Variants in STXBP5L observed in about 807,000 individuals in gnomAD.
STXBP5L encodes the protein syntaxin binding protein 5L.
A neutral mutation model predicts 144.5 loss-of-function variants in STXBP5L; 65 were observed. The ratio of observed to expected loss-of-function variants is 0.45; its 90% CI spans 0.37 to 0.55. STXBP5L has a LOEUF of 0.55. STXBP5L is among the 20% of genes least tolerant of loss of function. The pLI, the probability that STXBP5L is intolerant of heterozygous loss-of-function variation, is 0.00. For missense variants in STXBP5L, 1,298 were observed against 1,405.5 expected (o/e 0.92, Z 1.22); for synonymous variants, 505 against 469.6 (o/e 1.08, Z -0.97).
chr3:120,963,397 A>G (rs1445499541), intron 3 of STXBP5L, among the ~76,000 whole-genome samples: 2 of 152,072 alleles, frequency 1.3e-5, no homozygotes, highest in African/African-American at 4.8e-5. Flanking sequence ...ATTCAGTATG[A>G]TATTGGCAGT....
At chr3:121,064,141 G>A (rs1234092108) in intron 5 of STXBP5L, among the ~76,000 whole-genome samples, 2 of 152,166 alleles carry the variant, frequency 1.3e-5, no homozygotes, top group Middle Eastern at 3.4e-3. Context: ...GGAATCTCCT[G>A]GTCTGCAGGT....
chr3:121,305,205 G>A (rs746907919), intron 19 of STXBP5L, among the ~76,000 whole-genome samples: 3 of 152,090 alleles, frequency 2.0e-5, no homozygotes, highest in Non-Finnish European at 4.4e-5. Flanking sequence ...ACAAGCCACA[G>A]GTGGCTGCAC....
chr3:120,912,785 T>A (rs1017067411), intron 2 of STXBP5L, among the ~76,000 whole-genome samples: 1 of 151,994 alleles, frequency 6.6e-6, no homozygotes, highest in Non-Finnish European at 1.5e-5. Flanking sequence ...ATAAAATAAA[T>A]TTCAAATTGC....
At chr3:121,310,331 C>T (rs1466549652) in intron 19 of STXBP5L, among the ~76,000 whole-genome samples, 1 of 151,288 alleles carries the variant, frequency 6.6e-6, no homozygotes, top group Non-Finnish European at 1.5e-5. Context: ...CAGGCATGGG[C>T]TGGGCACAGT....
At chr3:121,069,668 G>A (rs988791533) in intron 5 of STXBP5L, among the ~76,000 whole-genome samples, 3 of 151,744 alleles carry the variant, frequency 2.0e-5, no homozygotes, top group Admixed American at 1.3e-4. Context: ...TCTAGGTCAC[G>A]TCTCGGTGCC....
chr3:120,979,705 C>A (rs1304680375), intron 3 of STXBP5L, among the ~76,000 whole-genome samples: 1 of 152,078 alleles, frequency 6.6e-6, no homozygotes, highest in Admixed American at 6.6e-5. Context: ...CAGCTCCGAT[C>A]CTTTGTATTT....
intron 3 of STXBP5L, among the ~76,000 whole-genome samples, chr3:121,018,591 G>A (rs1945312300): frequency 6.7e-6 from 1 of 149,200 alleles, no homozygotes; most frequent in Admixed American, 6.7e-5. Context: ...ACCCAAAATG[G>A]ATCATAGGCT....
chr3:121,325,284 A>G (rs181277448), intron 20 of STXBP5L, among the ~76,000 whole-genome samples: 1 of 152,230 alleles, frequency 6.6e-6, no homozygotes, highest in East Asian at 1.9e-4. Context: ...CAAGGAAGAT[A>G]GAGATAATAG....
intron 5 of STXBP5L, among the ~76,000 whole-genome samples, chr3:121,051,940 A>T (rs535464908): frequency 3.9e-5 from 6 of 152,250 alleles, no homozygotes; most frequent in African/African-American, 1.4e-4. Context: ...CCATCAGAGA[A>T]TATTACAAAC....
intron 3 of STXBP5L, among the ~76,000 whole-genome samples, chr3:121,020,855 A>C (rs1267261499): frequency 2.6e-5 from 4 of 151,644 alleles, no homozygotes; most frequent in South Asian, 4.1e-4. Flanking sequence ...ACAATGAAAA[A>C]AAAAAACCCA....
intron 9 of STXBP5L, among the ~76,000 whole-genome samples, chr3:121,179,610 G>C (rs2047063480): frequency 6.6e-6 from 1 of 152,058 alleles, no homozygotes; most frequent in Non-Finnish European, 1.5e-5. Flanking sequence ...GCCAGATAAA[G>C]AATTCAGATT....
intron 20 of STXBP5L, among the ~76,000 whole-genome samples, chr3:121,358,740 T>C (rs2045611149): frequency 6.6e-6 from 1 of 152,216 alleles, no homozygotes; most frequent in Non-Finnish European, 1.5e-5. Context: ...AGTGAGAATA[T>C]TTAATGTTTG....
chr3:121,223,358 G>T (rs2049029734), intron 11 of STXBP5L, among the ~76,000 whole-genome samples: 1 of 152,160 alleles, frequency 6.6e-6, no homozygotes, highest in Non-Finnish European at 1.5e-5. Flanking sequence ...TGGCATTTCA[G>T]GTTCTAATAT....
At chr3:121,237,222 A>T (rs2049511172) in intron 12 of STXBP5L, among the ~76,000 whole-genome samples, 1 of 152,196 alleles carries the variant, frequency 6.6e-6, no homozygotes. Flanking sequence ...GCAGCTGCCA[A>T]GCCTCCATGG....
chr3:121,017,787 T>TGG (rs139321003), intron 3 of STXBP5L, among the ~76,000 whole-genome samples: 117 of 151,706 alleles, frequency 7.7e-4, no homozygotes, highest in African/African-American at 2.5e-3. Flanking sequence ...TCTAAATAAA[T>TGG]GGGGGGGTGG....
chr3:121,369,892 A>G (rs2045979209), intron 20 of STXBP5L, among the ~76,000 whole-genome samples: 1 of 152,100 alleles, frequency 6.6e-6, no homozygotes, highest in African/African-American at 2.4e-5. Flanking sequence ...CTCTCTAGCT[A>G]GGTTGGGTAA....
chr3:121,208,602 C>T (rs2048431037), intron 10 of STXBP5L, among the ~76,000 whole-genome samples: 1 of 151,784 alleles, frequency 6.6e-6, no homozygotes. Flanking sequence ...ATATATTTTG[C>T]CTCTTGAAAT....
At chr3:121,343,674 A>G (rs2044827262) in intron 20 of STXBP5L, among the ~76,000 whole-genome samples, 2 of 152,174 alleles carry the variant, frequency 1.3e-5, no homozygotes, top group African/African-American at 2.4e-5. Flanking sequence ...TAAAATACCT[A>G]GGAATCCAAC....
chr3:121,264,418 G>A (rs1426972270), intron 18 of STXBP5L, among the ~76,000 whole-genome samples: 5 of 151,964 alleles, frequency 3.3e-5, no homozygotes, highest in African/African-American at 1.2e-4. Flanking sequence ...CATTCTAAAG[G>A]AAGAATTAGG....
Sources: gnomAD v4.1 joint callset for allele counts (sites outside exome capture counted in the v4.1 genomes callset) on GRCh38, gnomAD v4.1.1 for gene constraint, MANE v1.5 for transcripts, NCBI Gene and HGNC (gene_info 2026-07-23, HGNC 2026-07-21) for gene names.